TMPRSS2: variants seen among roughly 807,000 people sequenced by gnomAD.
TMPRSS2 encodes transmembrane serine protease 2.
TMPRSS2 carries 59 observed loss-of-function variants against 67.4 expected under a neutral mutation model. The ratio of observed to expected loss-of-function variants is 0.88; its 90% CI spans 0.71 to 1.09. The LOEUF is 1.09. TMPRSS2 is among the 50% of genes least tolerant of loss of function. The pLI, the probability that TMPRSS2 is intolerant of heterozygous loss-of-function variation, is 0.00. For missense variants in TMPRSS2, 668 were observed against 642.7 expected (o/e 1.04, Z -0.43); for synonymous variants, 257 against 257.0 (o/e 1.00, Z 0.00).
intron 2 of TMPRSS2, among the ~76,000 whole-genome samples, chr21:41,497,807 C>T (rs189181802): frequency 5.2e-4 from 79 of 152,326 alleles, no homozygotes; most frequent in African/African-American, 1.9e-3. Context: ...CCCCTGTTAT[C>T]GCCATCCTGC....
intron 7 of TMPRSS2, 118 bp from the exon 8 acceptor site, chr21:41,476,738 G>C (rs558695627): frequency 1.2e-4 from 106 of 909,810 alleles, no homozygotes; most frequent in South Asian, 1.1e-3. Context: ...AGACATAGAA[G>C]GGTCTGCTAG....
At chr21:41,492,180 G>A (rs189298425) in intron 3 of TMPRSS2, among the ~76,000 whole-genome samples, 5 of 152,160 alleles carry the variant, frequency 3.3e-5, no homozygotes, top group Admixed American at 6.5e-5. Context: ...GTGACAGAGC[G>A]AGACTTTGTC....
At chr21:41,467,269 G>A (rs457909) in intron 13 of TMPRSS2, among the ~76,000 whole-genome samples, 151,957 of 152,158 alleles carry the variant, frequency 1, 75,879 homozygotes, top group Middle Eastern at 1. Flanking sequence ...CATGCCTGTA[G>A]TCCCAGCTAC....
Position 41,470,744 on chromosome 21 carries a change from C to T in TMPRSS2, c.1076-1G>A. On this transcript the variant is annotated splice_acceptor_variant, in intron 10 of 13. Coordinates refer to ENST00000332149, the MANE Select transcript of TMPRSS2 (RefSeq NM_005656.4). LOFTEE classifies it high-confidence loss of function. ...GGCAGACACACTGGTTTCACTAGGT[C>T]TGTTTCAAGAAGAGAAAACACAGTG... 3.1e-6 allele frequency: 5 copies of T among 1,612,938 alleles called. No homozygotes were observed. The highest frequency in any genetic ancestry group is 4.2e-6 in the Non-Finnish European group (5 of 1,179,894).
At position 41,473,425 on chromosome 21, in the gene TMPRSS2, A is replaced by G. The variant is rs1329369521; in HGVS notation, c.799T>C (p.Trp267Arg). The change falls in exon 9 of 14, where the codon TGG becomes CGG. Residue 267 changes from tryptophan (W) to arginine (R), a missense_variant. Trp to Arg is a moderately radical substitution (Grantham distance 101, BLOSUM62 -3). Coordinates refer to ENST00000332149, the MANE Select transcript of TMPRSS2 (RefSeq NM_005656.4). ...ACGTGCAGGCTGACCTGCCAGGGCC[A>G]GGCCCCCGGGAGCGCGCTCTCGCCG... is the stretch of plus-strand genomic sequence containing the variant. ...VGGESALPGA[W>R]PWQVSLHVQN... The G allele has an allele frequency of 1.9e-6, 3 of 1,610,134 alleles. No individual in the cohort carries two copies. In the African/African-American group the frequency reaches 4.0e-5, roughly 21 times the overall value.
chr21:41,507,282 G>T (rs1165901127), intron 1 of TMPRSS2, among the ~76,000 whole-genome samples: 1 of 152,158 alleles, frequency 6.6e-6, no homozygotes, highest in Non-Finnish European at 1.5e-5. Flanking sequence ...GAGGTGGACC[G>T]AAGCGCCCAG....
intron 1 of TMPRSS2, among the ~76,000 whole-genome samples, chr21:41,498,816 T>G (rs1260677635): frequency 1.3e-5 from 2 of 152,238 alleles, no homozygotes; most frequent in African/African-American, 4.8e-5. Context: ...TGTGAGTTAC[T>G]GAACCTTGTT....
At chr21:41,499,924 C>T (rs549593213) in intron 1 of TMPRSS2, among the ~76,000 whole-genome samples, 1 of 152,328 alleles carries the variant, frequency 6.6e-6, no homozygotes, top group South Asian at 2.1e-4. Flanking sequence ...TATCCGTCCA[C>T]AAGACCATGT....
At chr21:41,480,642 T>A (rs1457316234) in intron 5 of TMPRSS2, 40 bp from the exon 6 acceptor site, 1 of 1,606,334 alleles carries the variant, frequency 6.2e-7, no homozygotes, top group African/African-American at 1.3e-5. Context: ...TTCTTTCTTT[T>A]TTTTTCTTTT....
At chr21:41,482,328 T>A (rs901944233) in intron 5 of TMPRSS2, among the ~76,000 whole-genome samples, 11 of 152,102 alleles carry the variant, frequency 7.2e-5, no homozygotes, top group Non-Finnish European at 1.5e-4. Flanking sequence ...GGGGTGGGCG[T>A]ATTCACAGAA....
rs534034788 is a variant in TMPRSS2, at chr21:41,499,286, G to A, written c.-56-1097C>T. Among the ~76,000 whole-genome samples the A allele has an allele frequency of 2.2e-4, 34 of 152,258 alleles. No individual in the cohort carries two copies. In the South Asian group the frequency reaches 5.0e-3, roughly 22 times the overall value. On this transcript the variant is annotated intron_variant, in intron 1 of 13. Coordinates refer to ENST00000332149, the MANE Select transcript of TMPRSS2 (RefSeq NM_005656.4). ...GTTAACAATAATAGCTAGAGATGCC[G>A]TCAACACGAAATGCTGTATAGTAAA... is the stretch of plus-strand genomic sequence containing the variant.
At chr21:41,507,947 C>T (rs1338310863) in intron 1 of TMPRSS2, 134 bp downstream of exon 1, 2 of 1,482,854 alleles carry the variant, frequency 1.3e-6, no homozygotes, top group South Asian at 1.3e-5. Context: ...CGGGCGCACT[C>T]ACCTGCCGCG....
At chr21:41,496,765 T>C (rs1438946900) in intron 2 of TMPRSS2, among the ~76,000 whole-genome samples, 2 of 151,664 alleles carry the variant, frequency 1.3e-5, no homozygotes, top group Non-Finnish European at 2.9e-5. Flanking sequence ...CTCTTATCTG[T>C]ATCTAAGGGC....
chr21:41,499,189 T>C (rs549289994), intron 1 of TMPRSS2, among the ~76,000 whole-genome samples: 5 of 152,330 alleles, frequency 3.3e-5, no homozygotes, highest in African/African-American at 1.2e-4. Flanking sequence ...GCCAACCATT[T>C]TGACCACTGC....
At chr21:41,480,648 CTTTTT>C in intron 5 of TMPRSS2, 46 bp from the exon 6 acceptor site, 1 of 1,600,180 alleles carries the variant, frequency 6.2e-7, no homozygotes, top group Non-Finnish European at 8.5e-7. Context: ...CTTTTTTTTT[CTTTTT>C]TTTGAGACGG....
rs541215881 is a variant in TMPRSS2 at position 41,484,470 on chromosome 21, G to A, written c.446-3868C>T. Among the ~76,000 whole-genome samples, 11 of 152,230 alleles carry A rather than the reference G, an allele frequency of 7.2e-5. No homozygotes were observed. In the East Asian group the frequency reaches 1.9e-3, roughly 27 times the overall value. Reference sequence around the variant, plus strand: ...CATTTTTGAATGTTTTCCATGGGACGGGTCATATTCTTCAGCATCCTAAGG... The same window carrying A: ...CATTTTTGAATGTTTTCCATGGGACAGGTCATATTCTTCAGCATCCTAAGG... On this transcript the variant is annotated intron_variant, in intron 5 of 13. Coordinates refer to ENST00000332149, the MANE Select transcript of TMPRSS2 (RefSeq NM_005656.4).
chr21:41,473,177 G>T, intron 9 of TMPRSS2, 148 bp downstream of exon 9: 1 of 931,464 alleles, frequency 1.1e-6, no homozygotes, highest in Non-Finnish European at 1.6e-6. Context: ...CGCACTTGAT[G>T]TCTCACAGCC....
chr21:41,494,290 C>T (rs2146482682), intron 3 of TMPRSS2, 66 bp downstream of exon 3: 2 of 1,536,278 alleles, frequency 1.3e-6, no homozygotes, highest in South Asian at 1.2e-5. Context: ...GAGCAGAGAG[C>T]CCACTGGGGA....
At chr21:41,468,347 TC>T in intron 12 of TMPRSS2, 48 bp downstream of exon 12, 1 of 1,607,076 alleles carries the variant, frequency 6.2e-7, no homozygotes. Flanking sequence ...CATGGGGGGT[TC>T]AGTAGGATCT....
Sources: allele counts gnomAD v4.1 joint callset (sites outside exome capture counted in the v4.1 genomes callset), GRCh38; gene constraint gnomAD v4.1.1; transcripts MANE v1.5; gene names NCBI Gene and HGNC (gene_info 2026-07-23, HGNC 2026-07-21).